Variants in NTM observed in about 807,000 individuals in gnomAD.
NTM encodes the protein neurotrimin.
A neutral mutation model predicts 42.1 loss-of-function variants in NTM; 13 were observed. That is an observed-to-expected ratio of 0.31 (90% CI 0.20 to 0.49). The LOEUF (loss-of-function observed/expected upper bound fraction) is 0.49, where lower values mean the gene tolerates loss of function less well. Ranked by LOEUF, NTM falls within the 20% of genes least tolerant of loss-of-function variation. The pLI, the probability that NTM is intolerant of heterozygous loss-of-function variation, is 0.99. For missense variants in NTM, 373 were observed against 452.8 expected (o/e 0.82, Z 1.60); for synonymous variants, 187 against 179.2 (o/e 1.04, Z -0.35).
chr11:132,183,821 T>G (rs1037842744), intron 3 of NTM, among the ~76,000 whole-genome samples: 1 of 151,954 alleles, frequency 6.6e-6, no homozygotes, highest in Non-Finnish European at 1.5e-5. Flanking sequence ...ACACCTGTGT[T>G]GTTAAAGGCA....
intron 1 of NTM, among the ~76,000 whole-genome samples, chr11:131,839,585 A>G (rs1210361706): frequency 6.6e-6 from 1 of 152,196 alleles, no homozygotes; most frequent in East Asian, 1.9e-4. Flanking sequence ...GCAAGATAAC[A>G]GGACACCAGA....
intron 1 of NTM, among the ~76,000 whole-genome samples, chr11:131,907,622 C>A (rs527316301): frequency 2.6e-5 from 4 of 151,766 alleles, no homozygotes; most frequent in African/African-American, 9.7e-5. Context: ...TGTGTATGCA[C>A]GAAGGAAGGG....
chr11:131,672,955 C>A (rs810960), intron 1 of NTM, among the ~76,000 whole-genome samples: 64 of 4,964 alleles, frequency 0.013, 2 homozygotes, highest in African/African-American at 0.018. Context: ...ATTTCCCTTA[C>A]AACAGAGAAG....
chr11:131,735,373 T>C (rs2080281332), intron 1 of NTM, among the ~76,000 whole-genome samples: 1 of 152,186 alleles, frequency 6.6e-6, no homozygotes, highest in African/African-American at 2.4e-5. Flanking sequence ...TAATGTTCAG[T>C]ATACAGTTCA....
At chr11:132,320,953 G>A (rs994828092) in intron 7 of NTM, among the ~76,000 whole-genome samples, 6 of 151,070 alleles carry the variant, frequency 4.0e-5, no homozygotes, top group Admixed American at 6.6e-5. Context: ...CAACAGACCT[G>A]CAGCTGAGGG....
At chr11:131,738,898 G>A (rs2080829875) in intron 1 of NTM, among the ~76,000 whole-genome samples, 1 of 152,178 alleles carries the variant, frequency 6.6e-6, no homozygotes, top group Admixed American at 6.5e-5. Flanking sequence ...AACCTGGGTG[G>A]TGTGAACAAC....
intron 1 of NTM, among the ~76,000 whole-genome samples, chr11:131,800,066 A>C (rs2136220368): frequency 6.6e-6 from 1 of 152,338 alleles, no homozygotes; most frequent in East Asian, 1.9e-4. Flanking sequence ...CTAGATCCTC[A>C]GTCAATCTTA....
At chr11:131,565,209 G>C (rs2056746494) in intron 1 of NTM, among the ~76,000 whole-genome samples, 1 of 152,188 alleles carries the variant, frequency 6.6e-6, no homozygotes, top group Admixed American at 6.5e-5. Flanking sequence ...CGCCTCTCCA[G>C]GGACCTCCTG....
chr11:131,980,571 CATAGAA>C (rs2065069831), intron 2 of NTM, among the ~76,000 whole-genome samples: 1 of 152,142 alleles, frequency 6.6e-6, no homozygotes, highest in African/African-American at 2.4e-5. Flanking sequence ...CAGTGTTGTA[CATAGAA>C]ATAGAGTGAG....
intron 2 of NTM, among the ~76,000 whole-genome samples, chr11:132,056,433 G>C (rs911513615): frequency 3.3e-5 from 5 of 152,210 alleles, no homozygotes; most frequent in Non-Finnish European, 2.9e-5. Flanking sequence ...ATAGCTCCTA[G>C]CATAGATCAT....
At chr11:132,199,291 G>C (rs1041797472) in intron 3 of NTM, among the ~76,000 whole-genome samples, 1 of 152,202 alleles carries the variant, frequency 6.6e-6, no homozygotes, top group African/African-American at 2.4e-5. Flanking sequence ...AATTCATATG[G>C]AGGAGGTTTA....
At chr11:131,392,452 G>A (rs920350324) in intron 1 of NTM, among the ~76,000 whole-genome samples, 1 of 152,260 alleles carries the variant, frequency 6.6e-6, no homozygotes, top group African/African-American at 2.4e-5. Context: ...AGCCCCTGAA[G>A]GGATGGGGTT....
chr11:132,170,916 G>T (rs1274189356), intron 3 of NTM, among the ~76,000 whole-genome samples: 1 of 152,164 alleles, frequency 6.6e-6, no homozygotes, highest in Non-Finnish European at 1.5e-5. Flanking sequence ...GATGCCTATT[G>T]TAGTCCTTAA....
intron 1 of NTM, among the ~76,000 whole-genome samples, chr11:131,624,613 A>T (rs2062923885): frequency 6.6e-6 from 1 of 152,150 alleles, no homozygotes. Context: ...ACTCATGGCC[A>T]CTCATAGTGT....
chr11:131,977,456 A>C (rs895518710), intron 2 of NTM, among the ~76,000 whole-genome samples: 2 of 152,220 alleles, frequency 1.3e-5, no homozygotes, highest in African/African-American at 4.8e-5. Context: ...ACTCAGGCGC[A>C]TACCTCTTCC....
At chr11:132,195,179 A>G (rs1354051489) in intron 3 of NTM, among the ~76,000 whole-genome samples, 2 of 152,102 alleles carry the variant, frequency 1.3e-5, no homozygotes, top group African/African-American at 4.8e-5. Flanking sequence ...CAAATCAAAA[A>G]CACAATCTCA....
At chr11:132,210,008 G>T (rs898155744) in intron 3 of NTM, among the ~76,000 whole-genome samples, 2 of 152,170 alleles carry the variant, frequency 1.3e-5, no homozygotes, top group African/African-American at 4.8e-5. Context: ...AACTAGGAAT[G>T]AGTGAGTAAT....
chr11:132,208,271 T>C (rs1023557058), intron 3 of NTM, among the ~76,000 whole-genome samples: 7 of 152,236 alleles, frequency 4.6e-5, no homozygotes, highest in African/African-American at 1.2e-4. Flanking sequence ...GTACTAGAAG[T>C]TGCCACCTAG....
chr11:131,810,367 A>G (rs1361609656), intron 1 of NTM, among the ~76,000 whole-genome samples: 1 of 152,172 alleles, frequency 6.6e-6, no homozygotes, highest in East Asian at 1.9e-4. Context: ...GTGCTGTGAC[A>G]TTGAATCTGA....
Sources: gnomAD v4.1 joint callset for allele counts (sites outside exome capture counted in the v4.1 genomes callset) on GRCh38, gnomAD v4.1.1 for gene constraint, MANE v1.5 for transcripts, NCBI Gene and HGNC (gene_info 2026-07-23, HGNC 2026-07-21) for gene names.